The following CLASP2 variants were observed in gnomAD, a reference collection of about 807,000 sequenced individuals.
The protein encoded by CLASP2 is CLIP-associating protein 2.
A neutral mutation model predicts 194.4 loss-of-function variants in CLASP2; 47 were observed. That is an observed-to-expected ratio of 0.24 (90% CI 0.19 to 0.31). The LOEUF is 0.31. Ranked by LOEUF, CLASP2 falls within the 10% of genes least tolerant of loss-of-function variation. The probability of loss-of-function intolerance (pLI) is 1.00; values close to 1 mark genes in which losing one functional copy is unlikely to be tolerated. For missense variants in CLASP2, 1,445 were observed against 1,823.6 expected (o/e 0.79, Z 3.78); for synonymous variants, 619 against 633.5 (o/e 0.98, Z 0.34).
chr3:33,684,227 A>G (rs1397622897), intron 6 of CLASP2, 132 bp downstream of exon 6: 3 of 466,346 alleles, frequency 6.4e-6, no homozygotes, highest in African/African-American at 2.1e-5. Context: ...CCTGGGCAAC[A>G]AGAGCAAGAC....
chr3:33,696,711 C>A, intron 2 of CLASP2, 144 bp downstream of exon 2: 1 of 631,188 alleles, frequency 1.6e-6, no homozygotes, highest in East Asian at 3.1e-5. Context: ...GGTGATCTGC[C>A]TGCCTCGGCC....
intron 24 of CLASP2, among the ~76,000 whole-genome samples, chr3:33,575,450 TG>T (rs981425453): frequency 1.1e-3 from 160 of 152,282 alleles, no homozygotes; most frequent in African/African-American, 3.8e-3. Flanking sequence ...TTACAAGTTC[TG>T]GGTAAGAAGC....
intron 21 of CLASP2, among the ~76,000 whole-genome samples, chr3:33,591,553 A>G (rs1040359150): frequency 4.6e-5 from 7 of 152,196 alleles, no homozygotes; most frequent in African/African-American, 1.4e-4. Flanking sequence ...GGAGGCTGCA[A>G]TGAGCTATTA....
chr3:33,582,304 C>T (rs933436299), intron 22 of CLASP2, among the ~76,000 whole-genome samples: 5 of 152,118 alleles, frequency 3.3e-5, no homozygotes, highest in Non-Finnish European at 5.9e-5. Flanking sequence ...AAACCCTATA[C>T]TTATCAAATA....
rs539776820 is a variant in CLASP2 at position 33,644,794 on chromosome 3, T to G, written c.825A>C (p.Ala275=). 22 of 1,613,466 alleles carry G rather than the reference T, an allele frequency of 1.4e-5. No individual in the cohort carries two copies. The highest frequency in any genetic ancestry group is 1.8e-5 in the Non-Finnish European group (21 of 1,179,678). Residue 275 remains alanine (A), a synonymous_variant, in exon 8 of 39, where the codon GCA becomes GCC. Transcript: ENST00000682230. The stretch of plus-strand genomic sequence containing the variant: ...GGCCACCTGCTGAACCAGGCTTCCT[T>G]GCACTGTTGGCAGGATTTCCGGATG... ...PKTSGNPANS[A]RKPGSAGGPK...
At chr3:33,602,525 T>C (rs756825891) in intron 18 of CLASP2, 5 of 761,268 alleles carry the variant, frequency 6.6e-6, no homozygotes, top group South Asian at 5.5e-5. Flanking sequence ...GGAATATATG[T>C]TTAGGGTTTG....
chr3:33,654,083 C>A (rs1036269024), intron 7 of CLASP2, among the ~76,000 whole-genome samples: 1 of 150,324 alleles, frequency 6.7e-6, no homozygotes, highest in Non-Finnish European at 1.5e-5. Context: ...ACCGTTAACA[C>A]CACAGTAAAG....
intron 18 of CLASP2, 181 bp downstream of exon 18, chr3:33,602,771 A>G (rs891749955): frequency 2.3e-5 from 16 of 706,342 alleles, no homozygotes; most frequent in Admixed American, 6.4e-5. Flanking sequence ...AGAACAAGGG[A>G]AAAGGAGAAA....
chr3:33,631,683 C>T (rs1173513920), intron 9 of CLASP2, among the ~76,000 whole-genome samples: 1 of 145,180 alleles, frequency 6.9e-6, no homozygotes, highest in Non-Finnish European at 1.5e-5. Flanking sequence ...GGCAACAGAG[C>T]TAGACTTCAT....
At chr3:33,575,306 C>G (rs2064618541) in intron 24 of CLASP2, among the ~76,000 whole-genome samples, 1 of 152,082 alleles carries the variant, frequency 6.6e-6, no homozygotes, top group African/African-American at 2.4e-5. Context: ...TAGCTATTAC[C>G]AATGAATATT....
intron 4 of CLASP2, among the ~76,000 whole-genome samples, chr3:33,688,023 A>C (rs935172008): frequency 6.6e-6 from 1 of 152,246 alleles, no homozygotes; most frequent in Non-Finnish European, 1.5e-5. Context: ...CAGTTCCATG[A>C]CCATCTGTTT....
chr3:33,522,336 C>CTTCAAG (rs1553717924), intron 34 of CLASP2, among the ~76,000 whole-genome samples: 1 of 152,152 alleles, frequency 6.6e-6, no homozygotes, highest in Non-Finnish European at 1.5e-5. Flanking sequence ...TCTGAGAAGA[C>CTTCAAG]TTTATACCTC....
intron 26 of CLASP2, among the ~76,000 whole-genome samples, chr3:33,570,306 T>C (rs1393939143): frequency 6.6e-6 from 1 of 152,220 alleles, no homozygotes; most frequent in African/African-American, 2.4e-5. Flanking sequence ...TTTGTGTTAA[T>C]GACAATTCTT....
chr3:33,708,492 A>ATATATATATAGTGTGTGTGTGTATG (rs2092811943), intron 1 of CLASP2, among the ~76,000 whole-genome samples: 1 of 1,674 alleles, frequency 6.0e-4, no homozygotes, highest in Admixed American at 8.8e-3. Context: ...GTGTGTATGT[A>ATATATATATAGTGTGTGTGTGTATG]TATATATATA....
At chr3:33,582,727 C>CTCACATT (rs1268139626) in intron 22 of CLASP2, among the ~76,000 whole-genome samples, 1 of 152,108 alleles carries the variant, frequency 6.6e-6, no homozygotes, top group African/African-American at 2.4e-5. Flanking sequence ...TTCTCACCTC[C>CTCACATT]TCACAAATGA....
chr3:33,641,742 A>G (rs1391990106), intron 8 of CLASP2, among the ~76,000 whole-genome samples: 1 of 151,934 alleles, frequency 6.6e-6, no homozygotes, highest in Non-Finnish European at 1.5e-5. Flanking sequence ...ATTCCAAAGA[A>G]GCTCACTGTA....
chr3:33,570,865 T>A, intron 25 of CLASP2, 75 bp from the exon 26 acceptor site: 1 of 1,160,444 alleles, frequency 8.6e-7, no homozygotes, highest in Non-Finnish European at 1.1e-6. Flanking sequence ...TTACATATAA[T>A]TTTCTTTAAA....
intron 37 of CLASP2, among the ~76,000 whole-genome samples, chr3:33,506,994 A>G (rs2048444760): frequency 6.7e-6 from 1 of 148,928 alleles, no homozygotes; most frequent in African/African-American, 2.5e-5. Flanking sequence ...GCTGGAGTGC[A>G]ATGGCTCAAT....
chr3:33,576,511 C>A (rs1000888333), intron 23 of CLASP2: 15 of 439,452 alleles, frequency 3.4e-5, no homozygotes, highest in Non-Finnish European at 5.8e-5. Context: ...TCATTTACAA[C>A]CACAAGGTAG....
Sources: gnomAD v4.1 joint callset for allele counts (sites outside exome capture counted in the v4.1 genomes callset) on GRCh38, gnomAD v4.1.1 for gene constraint, MANE v1.5 for transcripts, NCBI Gene and HGNC (gene_info 2026-07-23, HGNC 2026-07-21) for gene names.